Variants in FGGY observed in about 807,000 individuals in gnomAD.
The protein encoded by FGGY is FGGY carbohydrate kinase domain containing.
FGGY carries 72 observed loss-of-function variants against 71.3 expected under a neutral mutation model. The ratio of observed to expected loss-of-function variants is 1.01; its 90% confidence interval spans 0.84 to 1.23. The LOEUF (loss-of-function observed/expected upper bound fraction) is 1.23. FGGY is among the 50% of genes most tolerant of loss of function. The pLI is 0.00. For synonymous variants in FGGY, 251 were observed against 250.3 expected, an observed-to-expected ratio of 1.00 and a Z score of -0.02; for missense variants, 668 against 682.3, an observed-to-expected ratio of 0.98 and a Z score of 0.23.
chr1:59,354,116 C>T (rs2053822354), intron 4 of FGGY, among the ~76,000 whole-genome samples: 1 of 151,928 alleles, frequency 6.6e-6, no homozygotes. Context: ...CTTGCTCTGT[C>T]ACCCAGGTTG....
At chr1:59,635,911 G>A (rs187022979) in intron 10 of FGGY, among the ~76,000 whole-genome samples, 5 of 152,288 alleles carry the variant, frequency 3.3e-5, no homozygotes, top group Admixed American at 3.3e-4. Context: ...ACAAGGAGAA[G>A]GGTTTAAAGC....
intron 8 of FGGY, among the ~76,000 whole-genome samples, chr1:59,603,617 T>C (rs1218175502): frequency 2.6e-5 from 4 of 152,258 alleles, no homozygotes; most frequent in Non-Finnish European, 5.9e-5. Flanking sequence ...CTACCTTACG[T>C]AAGATCGCCT....
chr1:59,353,697 C>T (rs2053732054), intron 4 of FGGY, among the ~76,000 whole-genome samples: 1 of 152,270 alleles, frequency 6.6e-6, no homozygotes, highest in East Asian at 1.9e-4. Context: ...GTCTGTGGGA[C>T]AGATATTATC....
chr1:59,482,318 G>A (rs942460910), intron 6 of FGGY, among the ~76,000 whole-genome samples: 5 of 151,916 alleles, frequency 3.3e-5, no homozygotes, highest in Admixed American at 6.6e-5. Context: ...CTGTGGGCTC[G>A]GGCTTGCCAG....
chr1:59,354,938 A>G (rs2054016278), intron 4 of FGGY, among the ~76,000 whole-genome samples: 2 of 152,204 alleles, frequency 1.3e-5, no homozygotes, highest in Admixed American at 1.3e-4. Context: ...TGGGGGAGGA[A>G]AGCACCTCAT....
intron 2 of FGGY, among the ~76,000 whole-genome samples, chr1:59,323,402 C>G (rs1463222288): frequency 3.9e-5 from 6 of 152,184 alleles, no homozygotes; most frequent in Middle Eastern, 3.2e-3. Flanking sequence ...CTATAGCAAA[C>G]CTAAATGAAG....
intron 7 of FGGY, among the ~76,000 whole-genome samples, chr1:59,549,624 T>G (rs2095577294): frequency 6.6e-6 from 1 of 152,248 alleles, no homozygotes; most frequent in Non-Finnish European, 1.5e-5. Flanking sequence ...TATAAAGTAC[T>G]TTATATGGCT....
rs139745838 is a variant in FGGY, at chr1:59,569,564, C to T, written c.903+15337C>T. On this transcript the variant is annotated intron_variant, in intron 8 of 15. Transcript: ENST00000303721. ...AACCTGAAAGAACCACATAACACAGCTGTAATATTCAAGAGAAAGTGGGTC... is the reference window on the plus strand; with the variant it reads ...AACCTGAAAGAACCACATAACACAGTTGTAATATTCAAGAGAAAGTGGGTC... Among the ~76,000 whole-genome samples the T allele has an allele frequency of 4.0e-4, 61 of 152,262 alleles. 1 individual carries two copies. In the East Asian group the frequency reaches 8.1e-3, roughly 20 times the overall value.
chr1:59,661,056 A>G (rs989258804), intron 12 of FGGY, among the ~76,000 whole-genome samples: 2 of 152,232 alleles, frequency 1.3e-5, no homozygotes, highest in African/African-American at 4.8e-5. Flanking sequence ...CCACTTCTGA[A>G]AAGAGAATAG....
At position 59,507,684 on chromosome 1, in the gene FGGY, ATTTTTTT is replaced by A. The variant is rs561953004; in HGVS notation, c.671-4610_671-4604del. 2.7e-3 allele frequency among the ~76,000 whole-genome samples: 294 copies of A among 106,914 alleles called. 1 individual carries two copies. The highest frequency in any genetic ancestry group is 0.011 in the African/African-American group (271 of 24,606). The allele number at this position is 106,914 out of a possible 152,430, so 70.1% of individuals were successfully genotyped here. On this transcript the variant is annotated intron_variant, in intron 6 of 15. Coordinates refer to ENST00000303721, the MANE Select transcript of FGGY (RefSeq NM_018291.5). Reference sequence around the variant, plus strand: ...AGGCAACTGCAACCATGCTTGGCTAATTTTTTTTTTTTTTTTTTTTTTTGTATTTTTA... The same window carrying A: ...AGGCAACTGCAACCATGCTTGGCTAATTTTTTTTTTTTTTTTGTATTTTTA...
chr1:59,465,544 T>G (rs1420693343), intron 6 of FGGY, among the ~76,000 whole-genome samples: 1 of 152,162 alleles, frequency 6.6e-6, no homozygotes, highest in African/African-American at 2.4e-5. Context: ...GGGTATTCAA[T>G]TAGGAAAAGA....
At chr1:59,625,909 C>T (rs942048010) in intron 9 of FGGY, 79 bp from the exon 10 acceptor site, 28 of 1,079,542 alleles carry the variant, frequency 2.6e-5, no homozygotes, top group African/African-American at 9.7e-5. Flanking sequence ...GAAACATATA[C>T]TCATTTTAAT....
chr1:59,413,918 A>G (rs11207443), intron 5 of FGGY, among the ~76,000 whole-genome samples: 26,177 of 152,204 alleles, frequency 0.17, 2,763 homozygotes, highest in East Asian at 0.36. Flanking sequence ...CCGAGATTGC[A>G]CCACTGTGCT....
At chr1:59,490,442 A>G (rs1213706088) in intron 6 of FGGY, among the ~76,000 whole-genome samples, 1 of 152,146 alleles carries the variant, frequency 6.6e-6, no homozygotes, top group Non-Finnish European at 1.5e-5. Context: ...AATAGTTTGC[A>G]AGTATTTTCT....
intron 7 of FGGY, among the ~76,000 whole-genome samples, chr1:59,533,471 G>A (rs193046816): frequency 7.4e-4 from 113 of 152,302 alleles, no homozygotes; most frequent in South Asian, 3.9e-3. Context: ...CAAAGCAGCC[G>A]GGAAGCTCGA....
intron 6 of FGGY, among the ~76,000 whole-genome samples, chr1:59,503,275 G>A (rs2153612568): frequency 6.6e-6 from 1 of 152,244 alleles, no homozygotes; most frequent in East Asian, 1.9e-4. Flanking sequence ...GATAGCAACT[G>A]AAAAGTAAGA....
At chr1:59,329,098 T>TAAAAAACACAATCTGC (rs2047962869) in intron 2 of FGGY, among the ~76,000 whole-genome samples, 1 of 152,066 alleles carries the variant, frequency 6.6e-6, no homozygotes, top group Non-Finnish European at 1.5e-5. Context: ...CTTCAATTTG[T>TAAAAAACACAATCTGC]AAAAAACACA....
At chr1:59,311,403 C>T (rs1242360068) in intron 1 of FGGY, among the ~76,000 whole-genome samples, 2 of 152,024 alleles carry the variant, frequency 1.3e-5, no homozygotes, top group African/African-American at 4.8e-5. Flanking sequence ...TCCCCCCACC[C>T]CACAACAGGC....
chr1:59,593,328 A>G (rs796997775), intron 8 of FGGY, among the ~76,000 whole-genome samples: 19 of 152,242 alleles, frequency 1.2e-4, no homozygotes, highest in African/African-American at 4.3e-4. Flanking sequence ...ATCGCCTTCA[A>G]GAAAAACAGA....
Sources: gnomAD v4.1 joint callset for allele counts (sites outside exome capture counted in the v4.1 genomes callset) on GRCh38, gnomAD v4.1.1 for gene constraint, MANE v1.5 for transcripts, NCBI Gene and HGNC (gene_info 2026-07-23, HGNC 2026-07-21) for gene names.